Variants in WDR62 observed in about 807,000 individuals in gnomAD.
WDR62 encodes WD repeat-containing protein 62.
In WDR62, 112 loss-of-function variants were observed where a neutral mutation model predicts 160.6. That is an observed-to-expected ratio of 0.70 (90% confidence interval 0.60 to 0.82). The LOEUF (loss-of-function observed/expected upper bound fraction) is 0.82, where lower values mean the gene tolerates loss of function less well. Among genes scored for constraint, WDR62 ranks in the 40% least tolerant of loss-of-function variants. The pLI is 0.00. For synonymous variants in WDR62, 792 were observed against 815.1 expected (o/e 0.97, Z 0.48); for missense variants, 1,819 against 1,983.8 (o/e 0.92, Z 1.58).
chr19:36,061,327 T>TC (rs1409816777), intron 3 of WDR62: 12 of 152,158 alleles, frequency 7.9e-5, no homozygotes, highest in African/African-American at 2.9e-4. Flanking sequence ...AGAGCCTTGG[T>TC]CTCCTCTGAA....
Position 36,092,780 on chromosome 19 carries a change from A to G in WDR62, c.2302A>G (p.Thr768Ala), listed in dbSNP as rs532692601. Reference sequence around the variant, plus strand: ...TGACCACCGGCAGCAGCAGCAGCACACAAATGACAAGAAGCGGAGTGGCCA... The same window carrying G: ...TGACCACCGGCAGCAGCAGCAGCACGCAAATGACAAGAAGCGGAGTGGCCA... ...EIDHRQQQQH[T>A]NDKKRSGHPR... Residue 768 changes from threonine to alanine, a missense_variant, in exon 19 of 32, where the codon ACA becomes GCA. Thr to Ala is a moderately conservative substitution (Grantham distance 58). This residue lies in a region of WDR62 where 934 missense variants were observed against 1,157.2 expected (regional missense o/e 0.81). Transcript: ENST00000401500. 1 of 1,614,122 alleles carries G rather than the reference A, an allele frequency of 6.2e-7. No homozygotes were observed. Among genetic ancestry groups the G allele is most frequent in the Non-Finnish European group, 8.5e-7 (1 of 1,179,996 alleles).
chr19:36,066,601 T>C (rs1970956013), intron 5 of WDR62, among the ~76,000 whole-genome samples, 174 bp downstream of exon 5: 1 of 152,222 alleles, frequency 6.6e-6, no homozygotes, highest in Non-Finnish European at 1.5e-5. Flanking sequence ...CAAGGCAGGC[T>C]CCCAGCTAGA....
At chr19:36,062,683 A>C (rs1466464142) in intron 3 of WDR62, 1 of 150,518 alleles carries the variant, frequency 6.6e-6, no homozygotes, top group Non-Finnish European at 1.5e-5. Flanking sequence ...AAACTTAATC[A>C]AATAAATACT....
At chr19:36,071,769 C>A in intron 8 of WDR62, 53 bp downstream of exon 8, 1 of 1,579,648 alleles carries the variant, frequency 6.3e-7, no homozygotes, top group East Asian at 2.3e-5. Context: ...AGTCTGTCCA[C>A]TGGCATTCAT....
At chr19:36,076,076 T>G (rs1971556789) in intron 9 of WDR62, 1 of 152,212 alleles carries the variant, frequency 6.6e-6, no homozygotes, top group African/African-American at 2.4e-5. Context: ...TTATTAACTT[T>G]ATTGGAGCTC....
chr19:36,099,221 CAAAAAA>C (rs71167592), intron 21 of WDR62, among the ~76,000 whole-genome samples, 172 bp from the exon 22 acceptor site: 1 of 76,318 alleles, frequency 1.3e-5, no homozygotes, highest in African/African-American at 5.1e-5. Context: ...GACTTCGTCT[CAAAAAA>C]AAAAAAAAAA....
At chr19:36,091,537 G>T in intron 18 of WDR62, 72 bp downstream of exon 18, 1 of 1,480,328 alleles carries the variant, frequency 6.8e-7, no homozygotes, top group South Asian at 1.1e-5. Flanking sequence ...CCTGTGTAGA[G>T]AGCATTTCTA....
Position 36,059,028 on chromosome 19 carries a change from C to G in WDR62, c.269+157C>G, listed in dbSNP as rs565487673. 4 of 729,766 alleles carry G rather than the reference C, an allele frequency of 5.5e-6. No individual in the cohort carries two copies. The South Asian group carries it at 6.0e-5, about 11-fold the overall frequency. 45.2% of individuals were successfully genotyped at this position (729,766 alleles called of 1,614,324 possible). Reference sequence around the variant, plus strand: ...AGAGCTGTGGAGAGGATTCCATAGCCCCCTCTCTGTCTAGAACAGTTCCTG... The same window carrying G: ...AGAGCTGTGGAGAGGATTCCATAGCGCCCTCTCTGTCTAGAACAGTTCCTG... On this transcript the variant is annotated intron_variant, in intron 2 of 31. Coordinates refer to ENST00000401500, the MANE Select transcript of WDR62 (RefSeq NM_001083961.2).
At chr19:36,101,470 C>T (rs1599842679) in intron 24 of WDR62, 153 bp downstream of exon 24, 1 of 846,258 alleles carries the variant, frequency 1.2e-6, no homozygotes, top group Non-Finnish European at 2.0e-6. Context: ...GATTCTGGGC[C>T]CAGCTGCCTA....
chr19:36,103,270 C>G, intron 29 of WDR62, 63 bp downstream of exon 29: 1 of 1,611,944 alleles, frequency 6.2e-7, no homozygotes, highest in Non-Finnish European at 8.5e-7. Flanking sequence ...GATGTCCAGC[C>G]TAGCTGTGGG....
Position 36,058,794 on chromosome 19 carries a change from G to C in WDR62, c.192G>C (p.Lys64Asn). 1.9e-6 allele frequency: 3 copies of C among 1,614,208 alleles called. No homozygotes were observed. In the South Asian group the frequency reaches 3.3e-5, roughly 18 times the overall value. The change falls in exon 2 of 32, where the codon AAG (lysine) becomes AAC (asparagine). Residue 64 changes from lysine (K) to asparagine (N), a missense_variant. By Grantham distance (94) the Lys-to-Asn change is moderately conservative. This residue lies in a region of WDR62 where 115 missense variants were observed against 92.4 expected (regional missense o/e 1.24). Coordinates refer to ENST00000401500, the MANE Select transcript of WDR62 (RefSeq NM_001083961.2). ...TTTCTTTGCAGGTGTCACTCGAGAA[G>C]GTGCTTGGCATCACAGCCCAGAACA... is the stretch of plus-strand genomic sequence containing the variant. ...ETVQNRVSLE[K>N]VLGITAQNSS... is the part of the protein sequence containing the mutation.
downstream of WDR62, among the ~76,000 whole-genome samples, chr19:36,106,023 CAAAAT>C (rs1467961785): frequency 5.9e-5 from 9 of 151,790 alleles, no homozygotes; most frequent in South Asian, 8.3e-4. Context: ...TTAAATAAAA[CAAAAT>C]AAAACAAGAA....
intron 23 of WDR62, 29 bp from the exon 24 acceptor site, chr19:36,101,185 T>C: frequency 3.1e-6 from 5 of 1,588,016 alleles, no homozygotes; most frequent in Non-Finnish European, 4.3e-6. Flanking sequence ...GAAGTCCTTG[T>C]TCCCTCTCTG....
downstream of WDR62, among the ~76,000 whole-genome samples, chr19:36,105,383 G>A (rs1973687682): frequency 1.3e-5 from 2 of 152,136 alleles, no homozygotes; most frequent in Non-Finnish European, 2.9e-5. Context: ...CCCTGCCAGT[G>A]CCTGAGAACT....
chr19:36,057,767 T>A (rs1970442977), intron 1 of WDR62, among the ~76,000 whole-genome samples: 1 of 152,168 alleles, frequency 6.6e-6, no homozygotes, highest in South Asian at 2.1e-4. Flanking sequence ...ACACCCAGCC[T>A]TGTTTAAATT....
Position 36,102,959 on chromosome 19 carries a change from C to T in WDR62, c.3347C>T (p.Thr1116Ile), listed in dbSNP as rs780534742. Residue 1116 changes from threonine (T) to isoleucine (I), a missense_variant, in exon 28 of 32, where the codon ACC (threonine) becomes ATC (isoleucine). Coordinates refer to ENST00000401500, the MANE Select transcript of WDR62 (RefSeq NM_001083961.2). The stretch of plus-strand genomic sequence containing the variant: ...TCTCCTCCCCACAGGTTCACCCATA[C>T]CTTCCCTCCCCGGGCAACCCAGTGC... Reference protein sequence around the residue: ...SLQKASRFTHTFPPRATQCLV... With the variant: ...SLQKASRFTHIFPPRATQCLV... 6 of 1,614,156 alleles carry T rather than the reference C, an allele frequency of 3.7e-6. No individual in the cohort carries two copies. Among genetic ancestry groups the T allele is most frequent in the South Asian group, 1.1e-5 (1 of 91,090 alleles).
chr19:36,087,162 G>A (rs142183300), intron 13 of WDR62, among the ~76,000 whole-genome samples: 3 of 151,540 alleles, frequency 2.0e-5, no homozygotes, highest in Non-Finnish European at 2.9e-5. Context: ...AACCTGGGAG[G>A]TGGAGGCTGC....
intron 9 of WDR62, among the ~76,000 whole-genome samples, chr19:36,079,463 TCTTTA>T (rs890116704): frequency 6.6e-5 from 10 of 152,230 alleles, no homozygotes; most frequent in African/African-American, 1.4e-4. Context: ...CTCAATCTCC[TCTTTA>T]CTTTATTTCT....
chr19:36,078,132 A>G (rs1483908222), intron 9 of WDR62, among the ~76,000 whole-genome samples: 1 of 151,130 alleles, frequency 6.6e-6, no homozygotes, highest in African/African-American at 2.4e-5. Flanking sequence ...TGCTATGAAC[A>G]TGTAAGTACA....
Sources: allele counts gnomAD v4.1 joint callset (sites outside exome capture counted in the v4.1 genomes callset), GRCh38; gene constraint gnomAD v4.1.1; regional missense constraint gnomAD v4.1.1; transcripts MANE v1.5; gene names NCBI Gene and HGNC (gene_info 2026-07-23, HGNC 2026-07-21).